Variants in SERPINB8 observed in about 807,000 individuals in gnomAD.
The protein encoded by SERPINB8 is serpin B8.
In SERPINB8, 25 loss-of-function variants were observed where a neutral mutation model predicts 35.3. The observed-to-expected ratio is 0.71, with a 90% CI of 0.52 to 0.99. The LOEUF is 0.99. SERPINB8 is among the 50% of genes least tolerant of loss of function. The probability of loss-of-function intolerance (pLI) is 0.00; values close to 1 mark genes in which losing one functional copy is unlikely to be tolerated. For missense variants in SERPINB8, 484 were observed against 446.5 expected (o/e 1.08, Z -0.76); for synonymous variants, 186 against 160.8 (o/e 1.16, Z -1.19).
chr18:64,017,246 C>A (rs1476891183), intron 7 of SERPINB8, among the ~76,000 whole-genome samples: 1 of 152,116 alleles, frequency 6.6e-6, no homozygotes, highest in Non-Finnish European at 1.5e-5. Context: ...TACAAATAGA[C>A]CTCCAGGAAT....
intron 7 of SERPINB8, among the ~76,000 whole-genome samples, chr18:64,013,564 T>C (rs1365750240): frequency 6.6e-6 from 1 of 152,212 alleles, no homozygotes; most frequent in Admixed American, 6.5e-5. Context: ...CCATTTCCTA[T>C]TGTGGTAGTG....
intron 1 of SERPINB8, among the ~76,000 whole-genome samples, chr18:63,975,135 A>ACACACC (rs2144790227): frequency 6.6e-6 from 1 of 152,024 alleles, no homozygotes; most frequent in Non-Finnish European, 1.5e-5. Context: ...ACACACACAC[A>ACACACC]CACACCCCAA....
chr18:63,987,347 A>G lies in SERPINB8; in HGVS notation c.*69A>G. Reference sequence around the variant, plus strand: ...CTTGCCTTAATTAACATTCCCTGTGACCTAGTTGGTGCAGTGGCTTGAATG... The same window carrying G: ...CTTGCCTTAATTAACATTCCCTGTGGCCTAGTTGGTGCAGTGGCTTGAATG... On this transcript the variant is annotated 3_prime_UTR_variant, in exon 7 of 7. Coordinates refer to ENST00000397985, the MANE Select transcript of SERPINB8 (RefSeq NM_002640.4). 1.3e-6 allele frequency: 2 copies of G among 1,499,872 alleles called. No individual in the cohort carries two copies. Among genetic ancestry groups the G allele is most frequent in the Non-Finnish European group, 1.8e-6 (2 of 1,106,766 alleles). The allele number at this position is 1,499,872 out of a possible 1,614,324, so 92.9% of individuals were successfully genotyped here. A position where few individuals can be genotyped will look rare whatever the true frequency, so the allele number is the denominator to read the frequency against.
chr18:64,018,340 G>C (rs895767894), intron 7 of SERPINB8, among the ~76,000 whole-genome samples: 1 of 152,142 alleles, frequency 6.6e-6, no homozygotes, highest in African/African-American at 2.4e-5. Context: ...GCTTTGAATG[G>C]AAACAAAAGA....
rs778938577 is a variant in SERPINB8, at chr18:63,987,191, A to T, written c.1038A>T (p.Arg346Ser). 6.2e-7 allele frequency: 1 copy of T among 1,614,058 alleles called. No individual in the cohort carries two copies. The highest frequency in any genetic ancestry group is 1.3e-5 in the African/African-American group (1 of 74,918). ...CCCGGTGCAGCAGAATGGAGCCAAG[A>T]TTCTGTGCAGACCACCCTTTTCTTT... ...RNSRCSRMEP[R>S]FCADHPFLFF... Residue 346 changes from arginine to serine, a missense_variant, in exon 7 of 7, where the codon AGA becomes AGT. Physicochemically the swap from Arg to Ser is moderately radical, Grantham distance 110. Coordinates refer to ENST00000397985, the MANE Select transcript of SERPINB8 (RefSeq NM_002640.4).
chr18:64,000,589 T>G (rs1170333715), intron 1 of SERPINB8, among the ~76,000 whole-genome samples: 1 of 152,210 alleles, frequency 6.6e-6, no homozygotes, highest in Non-Finnish European at 1.5e-5. Flanking sequence ...CCATGCCCTG[T>G]GCCTACCTGC....
chr18:64,011,561 T>C (rs2050925968), intron 7 of SERPINB8, among the ~76,000 whole-genome samples: 1 of 152,192 alleles, frequency 6.6e-6, no homozygotes, highest in Admixed American at 6.5e-5. Flanking sequence ...TCAGTGTCCA[T>C]ACAAGTGTGT....
At chr18:64,013,775 GTT>G (rs1339873239) in intron 7 of SERPINB8, among the ~76,000 whole-genome samples, 1 of 152,142 alleles carries the variant, frequency 6.6e-6, no homozygotes, top group African/African-American at 2.4e-5. Flanking sequence ...GGGGAAAGGT[GTT>G]CCGGAAAGAA....
At chr18:63,979,098 A>G (rs1285267338) in intron 2 of SERPINB8, among the ~76,000 whole-genome samples, 2 of 152,230 alleles carry the variant, frequency 1.3e-5, no homozygotes, top group African/African-American at 4.8e-5. Context: ...TTTGCCACCA[A>G]TATCAGGAGT....
At chr18:63,986,779 T>C in intron 6 of SERPINB8, 95 bp from the exon 7 acceptor site, 1 of 1,389,076 alleles carries the variant, frequency 7.2e-7, no homozygotes. Context: ...ACTCACCATC[T>C]AATTGCATGT....
In SERPINB8 at chr18:63,987,510, C is replaced by T; in HGVS notation, c.*232C>T. 2.0e-6 allele frequency: 1 copy of T among 510,914 alleles called. No individual in the cohort carries two copies. The allele number at this position is 510,914 out of a possible 1,614,324, so 31.6% of individuals were successfully genotyped here. On this transcript the variant is annotated 3_prime_UTR_variant, in exon 7 of 7. Coordinates refer to ENST00000397985, the MANE Select transcript of SERPINB8 (RefSeq NM_002640.4). ...TGCTGGTTTTGGAGTGTTTGGGGTGCCTGCCATTGCCTCTGCCTTCACCTA... is the reference window on the plus strand; with the variant it reads ...TGCTGGTTTTGGAGTGTTTGGGGTGTCTGCCATTGCCTCTGCCTTCACCTA...
intron 7 of SERPINB8, among the ~76,000 whole-genome samples, chr18:64,015,139 G>T (rs187254036): frequency 1.3e-5 from 2 of 152,208 alleles, no homozygotes; most frequent in Non-Finnish European, 2.9e-5. Context: ...TGTGGCTGTT[G>T]TCATGTGTCA....
At chr18:64,001,745 C>T (rs1464879421) in intron 1 of SERPINB8, among the ~76,000 whole-genome samples, 1 of 152,106 alleles carries the variant, frequency 6.6e-6, no homozygotes, top group African/African-American at 2.4e-5. Context: ...CCTCAGCCTC[C>T]GAAAGTGCTG....
chr18:63,981,529 C>T (rs1462542061), intron 3 of SERPINB8, among the ~76,000 whole-genome samples, 192 bp from the exon 4 acceptor site: 3 of 152,196 alleles, frequency 2.0e-5, no homozygotes, highest in Non-Finnish European at 4.4e-5. Flanking sequence ...CTCCTCAAGC[C>T]AAGCACCTTG....
downstream of SERPINB8, among the ~76,000 whole-genome samples, chr18:63,990,075 T>TG (rs1187204318): frequency 1.3e-5 from 2 of 148,566 alleles, no homozygotes; most frequent in African/African-American, 2.5e-5. Context: ...TTTCGTGTTT[T>TG]TTTTTTTTTT....
At chr18:63,989,899 C>T (rs75139039), downstream of SERPINB8, among the ~76,000 whole-genome samples, 20,331 of 134,544 alleles carry the variant, frequency 0.15, 1,722 homozygotes, top group Middle Eastern at 0.3. Context: ...GCCGAGATCC[C>T]GCCACTGCAC....
At position 63,989,274 on chromosome 18, in the gene SERPINB8, A is replaced by G. The variant is rs2050806100; in HGVS notation, c.*1996A>G. The G allele has an allele frequency of 6.6e-6, 1 of 152,360 alleles. No individual in the cohort carries two copies. The highest frequency in any genetic ancestry group is 2.1e-4 in the South Asian group (1 of 4,832). 9.4% of individuals were successfully genotyped at this position (152,360 alleles called of 1,614,324 possible). The stretch of plus-strand genomic sequence containing the variant: ...TAACATTTTTTTGTATAGGTATACC[A>G]TGATTTGTTGATGAACAAATTTACC... On this transcript the variant is annotated 3_prime_UTR_variant, in exon 7 of 7. Transcript: ENST00000397985.
At chr18:63,994,548 T>G (rs1451748449) in intron 1 of SERPINB8, among the ~76,000 whole-genome samples, 2 of 152,028 alleles carry the variant, frequency 1.3e-5, no homozygotes, top group Non-Finnish European at 2.9e-5. Context: ...AGGGCACCCT[T>G]AGAGTGTGCT....
At chr18:64,014,812 TG>T (rs1265162157) in intron 7 of SERPINB8, among the ~76,000 whole-genome samples, 1 of 152,146 alleles carries the variant, frequency 6.6e-6, no homozygotes, top group African/African-American at 2.4e-5. Context: ...CTTGAAAAAA[TG>T]TGAGACCTGT....
Sources: gnomAD v4.1 joint callset for allele counts (sites outside exome capture counted in the v4.1 genomes callset) on GRCh38, gnomAD v4.1.1 for gene constraint, MANE v1.5 for transcripts, NCBI Gene and HGNC (gene_info 2026-07-23, HGNC 2026-07-21) for gene names.